The following EEPD1 variants were observed in gnomAD, a reference collection of about 807,000 sequenced individuals.
EEPD1 encodes the protein endonuclease/exonuclease/phosphatase family domain containing 1, also known as endonuclease/exonuclease/phosphatase family domain-containing protein 1.
In EEPD1, 17 loss-of-function variants were observed where a neutral mutation model predicts 46.3. The observed-to-expected ratio is 0.37, with a 90% CI of 0.25 to 0.55. EEPD1 has a LOEUF of 0.55. EEPD1 is among the 20% of genes least tolerant of loss of function. The pLI is 0.83. For missense variants in EEPD1, 673 were observed against 745.6 expected (o/e 0.90, Z 1.13); for synonymous variants, 313 against 315.6 (o/e 0.99, Z 0.09).
intron 2 of EEPD1, among the ~76,000 whole-genome samples, chr7:36,163,746 C>T (rs902722019): frequency 1.3e-5 from 2 of 151,974 alleles, no homozygotes; most frequent in East Asian, 1.9e-4. Flanking sequence ...GGCGTGGTGG[C>T]GGGCACCTGT....
At chr7:36,173,090 C>T (rs1213805005) in intron 2 of EEPD1, among the ~76,000 whole-genome samples, 1 of 151,986 alleles carries the variant, frequency 6.6e-6, no homozygotes, top group Non-Finnish European at 1.5e-5. Context: ...TGTCCCCACC[C>T]AAATCTCTTC....
At chr7:36,213,223 TGAC>T (rs1490106231) in intron 2 of EEPD1, among the ~76,000 whole-genome samples, 1 of 152,204 alleles carries the variant, frequency 6.6e-6, no homozygotes. Flanking sequence ...TAATATATTA[TGAC>T]ACATTCAGGA....
At chr7:36,196,905 G>C (rs1356153001) in intron 2 of EEPD1, among the ~76,000 whole-genome samples, 1 of 150,730 alleles carries the variant, frequency 6.6e-6, no homozygotes, top group Non-Finnish European at 1.5e-5. Context: ...CCTCTGCCTG[G>C]CTGCCCAGTC....
At chr7:36,244,693 T>C (rs1485393084) in intron 3 of EEPD1, among the ~76,000 whole-genome samples, 1 of 151,972 alleles carries the variant, frequency 6.6e-6, no homozygotes, top group East Asian at 1.9e-4. Flanking sequence ...CCCCAGCCCC[T>C]TTCCTAGCCT....
At chr7:36,238,013 T>C (rs531432620) in intron 2 of EEPD1, among the ~76,000 whole-genome samples, 4 of 151,554 alleles carry the variant, frequency 2.6e-5, no homozygotes, top group South Asian at 2.1e-4. Context: ...AAATAAGGGG[T>C]CGATTATTTA....
At chr7:36,287,472 A>C in intron 5 of EEPD1, 167 bp from the exon 6 acceptor site, 2 of 1,064,778 alleles carry the variant, frequency 1.9e-6, no homozygotes, top group South Asian at 3.6e-5. Context: ...GCCTTGGAAA[A>C]ATCGAAGATG....
In EEPD1 at chr7:36,299,410, G is replaced by C. The variant is rs1787581941; in HGVS notation, c.*204G>C. ...GTGCCAGGCGCGTACCCCACCAGGT[G>C]GGCAAAGCAGAAACCTGCGGGGAGC... is the stretch of plus-strand genomic sequence containing the variant. On this transcript the variant is annotated 3_prime_UTR_variant, in exon 8 of 8. Transcript: ENST00000242108. 1.6e-6 allele frequency: 1 copy of C among 636,926 alleles called. No homozygotes were observed. The highest frequency in any genetic ancestry group is 1.8e-5 in the African/African-American group (1 of 54,496). 39.5% of individuals were successfully genotyped at this position (636,926 alleles called of 1,614,324 possible). A position where few individuals can be genotyped will look rare whatever the true frequency, so the allele number is the denominator to read the frequency against.
chr7:36,183,894 T>TTTTTTTTTTTTTTTTTTTA (rs1785318402), intron 2 of EEPD1, among the ~76,000 whole-genome samples: 1 of 149,716 alleles, frequency 6.7e-6, no homozygotes, highest in African/African-American at 2.4e-5. Flanking sequence ...TTTTTATTTT[T>TTTTTTTTTTTTTTTTTTTA]AAAAAAATGT....
chr7:36,161,848 C>T (rs531652984), intron 2 of EEPD1, among the ~76,000 whole-genome samples: 2 of 148,760 alleles, frequency 1.3e-5, no homozygotes, highest in East Asian at 4.0e-4. Context: ...GAACTGTGAT[C>T]ATGCCATTGT....
At chr7:36,234,125 G>A (rs1194819700) in intron 2 of EEPD1, among the ~76,000 whole-genome samples, 1 of 152,036 alleles carries the variant, frequency 6.6e-6, no homozygotes, top group African/African-American at 2.4e-5. Context: ...CACCATGTTG[G>A]CCAGGCTGGT....
intron 2 of EEPD1, among the ~76,000 whole-genome samples, chr7:36,196,907 T>C (rs1292693808): frequency 1.4e-5 from 2 of 142,006 alleles, no homozygotes; most frequent in African/African-American, 5.4e-5. Context: ...TCTGCCTGGC[T>C]GCCCAGTCTG....
At chr7:36,254,644 G>A (rs1172409623) in intron 3 of EEPD1, among the ~76,000 whole-genome samples, 1 of 152,164 alleles carries the variant, frequency 6.6e-6, no homozygotes, top group Admixed American at 6.5e-5. Context: ...TATATACCCA[G>A]TAATGGAATT....
intron 3 of EEPD1, among the ~76,000 whole-genome samples, chr7:36,255,886 C>T (rs1217900992): frequency 6.6e-6 from 1 of 151,982 alleles, no homozygotes; most frequent in Non-Finnish European, 1.5e-5. Flanking sequence ...TTTGTTTGCT[C>T]ATGCTTCTCT....
chr7:36,280,028 CAG>C (rs963365849), intron 3 of EEPD1, among the ~76,000 whole-genome samples: 10 of 152,124 alleles, frequency 6.6e-5, no homozygotes, highest in African/African-American at 2.4e-4. Flanking sequence ...ACAGTGGAAT[CAG>C]TGCGCTGGTG....
At chr7:36,272,634 G>A (rs753915083) in intron 3 of EEPD1, among the ~76,000 whole-genome samples, 29 of 151,888 alleles carry the variant, frequency 1.9e-4, no homozygotes, top group African/African-American at 5.1e-4. Flanking sequence ...GGGAGAGCAC[G>A]TGGGTGTCAC....
intron 2 of EEPD1, among the ~76,000 whole-genome samples, chr7:36,178,792 C>T (rs946000605): frequency 2.6e-5 from 4 of 152,188 alleles, no homozygotes; most frequent in Non-Finnish European, 4.4e-5. Flanking sequence ...CAGGAGCCCT[C>T]GAAGGTAAAC....
At chr7:36,243,181 G>T (rs563173136) in intron 3 of EEPD1, among the ~76,000 whole-genome samples, 20 of 152,264 alleles carry the variant, frequency 1.3e-4, no homozygotes, top group Admixed American at 7.8e-4. Flanking sequence ...AAGCCCCCAG[G>T]TGATTATGTG....
At chr7:36,180,010 C>T (rs1785246581) in intron 2 of EEPD1, among the ~76,000 whole-genome samples, 2 of 152,164 alleles carry the variant, frequency 1.3e-5, no homozygotes, top group African/African-American at 4.8e-5. Context: ...CAGCTGATTC[C>T]AAGCGTGGCT....
At chr7:36,211,838 T>C (rs1233467448) in intron 2 of EEPD1, among the ~76,000 whole-genome samples, 1 of 150,786 alleles carries the variant, frequency 6.6e-6, no homozygotes, top group Non-Finnish European at 1.5e-5. Flanking sequence ...GGCAGGAAAA[T>C]AGCTTGAACC....
Sources: gnomAD v4.1 joint callset for allele counts (sites outside exome capture counted in the v4.1 genomes callset) on GRCh38, gnomAD v4.1.1 for gene constraint, MANE v1.5 for transcripts, NCBI Gene and HGNC (gene_info 2026-07-23, HGNC 2026-07-21) for gene names.